FUT9: variants seen among roughly 807,000 people sequenced by gnomAD.
FUT9 encodes 4-galactosyl-N-acetylglucosaminide 3-alpha-L-fucosyltransferase 9.
FUT9 carries 15 observed loss-of-function variants against 29.7 expected under a neutral mutation model. The ratio of observed to expected loss-of-function variants is 0.51; its 90% CI spans 0.34 to 0.78. The LOEUF is 0.78. FUT9 is among the 30% of genes least tolerant of loss of function. FUT9 has a pLI of 0.01. For synonymous variants in FUT9, 169 were observed against 153.7 expected, an observed-to-expected ratio of 1.10 and a Z score of -0.74; for missense variants, 319 against 425.4, an observed-to-expected ratio of 0.75 and a Z score of 2.20.
intron 1 of FUT9, among the ~76,000 whole-genome samples, chr6:96,088,779 T>G (rs1041215214): frequency 2.0e-5 from 3 of 152,230 alleles, no homozygotes; most frequent in African/African-American, 7.2e-5. Context: ...AGTCTATATC[T>G]AAGTATTGCT....
At chr6:96,081,406 C>A (rs2127950901) in intron 1 of FUT9, among the ~76,000 whole-genome samples, 1 of 151,798 alleles carries the variant, frequency 6.6e-6, no homozygotes, top group South Asian at 2.1e-4. Flanking sequence ...TATTTTTCTG[C>A]AATTTACTCC....
intron 2 of FUT9, among the ~76,000 whole-genome samples, chr6:96,187,098 T>C (rs1773418952): frequency 6.6e-6 from 1 of 152,020 alleles, no homozygotes; most frequent in Non-Finnish European, 1.5e-5. Context: ...CAGCCAAGCC[T>C]AATGTTAGAA....
rs143184468 is a variant in FUT9, at chr6:96,087,492, G to T, written c.-97-26547G>T. On this transcript the variant is annotated intron_variant, in intron 1 of 2. Coordinates refer to ENST00000302103, the MANE Select transcript of FUT9 (RefSeq NM_006581.4). ...AGCAATTATCCTGCCTCAGCCTCCT[G>T]AGTAGCTAGGACTACAGGCGCGTGC... is the stretch of plus-strand genomic sequence containing the variant. 4.9e-3 allele frequency among the ~76,000 whole-genome samples: 739 copies of T among 150,776 alleles called. 5 individuals carry two copies. The highest frequency in any genetic ancestry group is 0.017 in the African/African-American group (688 of 41,066).
chr6:96,183,324 T>C (rs1773343783), intron 2 of FUT9, among the ~76,000 whole-genome samples: 1 of 152,088 alleles, frequency 6.6e-6, no homozygotes, highest in South Asian at 2.1e-4. Flanking sequence ...TGAATTCTTT[T>C]ATCAGTTTTA....
chr6:96,084,206 T>C (rs965903884), intron 1 of FUT9, among the ~76,000 whole-genome samples: 6 of 152,076 alleles, frequency 3.9e-5, no homozygotes, highest in South Asian at 2.1e-4. Flanking sequence ...GTCTAGAAGA[T>C]CATATCTCTT....
intron 1 of FUT9, among the ~76,000 whole-genome samples, chr6:96,018,395 T>C (rs1770016408): frequency 6.6e-6 from 1 of 152,120 alleles, no homozygotes; most frequent in Non-Finnish European, 1.5e-5. Context: ...GAATTATCTA[T>C]GAGAATCCAA....
intron 1 of FUT9, among the ~76,000 whole-genome samples, chr6:96,087,590 C>A (rs1363863405): frequency 6.6e-6 from 1 of 152,042 alleles, no homozygotes; most frequent in Non-Finnish European, 1.5e-5. Flanking sequence ...TGGTCTCGAT[C>A]TCTTGACCTC....
intron 2 of FUT9, among the ~76,000 whole-genome samples, chr6:96,178,978 C>T (rs12524828): frequency 1.3e-5 from 2 of 151,840 alleles, no homozygotes; most frequent in Non-Finnish European, 2.9e-5. Context: ...CAAAAAAAAA[C>T]ACCTTTTGTA....
intron 2 of FUT9, among the ~76,000 whole-genome samples, chr6:96,126,795 G>T (rs9404263): frequency 0.34 from 51,503 of 151,978 alleles, 9,106 homozygotes; most frequent in East Asian, 0.61. Flanking sequence ...TATCATTTCT[G>T]TATTCTTTAA....
At chr6:96,095,334 A>T (rs781059971) in intron 1 of FUT9, among the ~76,000 whole-genome samples, 1 of 152,026 alleles carries the variant, frequency 6.6e-6, no homozygotes, top group Non-Finnish European at 1.5e-5. Flanking sequence ...CAGTTCTCAG[A>T]TTCTCTTTCC....
chr6:96,075,626 C>A (rs1447489623), intron 1 of FUT9, among the ~76,000 whole-genome samples: 1 of 152,088 alleles, frequency 6.6e-6, no homozygotes, highest in East Asian at 1.9e-4. Context: ...GGACTTGGAT[C>A]TTCTTATAAT....
chr6:96,100,212 TTAAC>T (rs1332963051), intron 1 of FUT9, among the ~76,000 whole-genome samples: 1 of 148,790 alleles, frequency 6.7e-6, no homozygotes, highest in African/African-American at 2.5e-5. Context: ...TACTTGGAAT[TTAAC>T]ACACACACAC....
chr6:96,122,899 A>G (rs1303797707), intron 2 of FUT9, among the ~76,000 whole-genome samples: 1 of 151,778 alleles, frequency 6.6e-6, no homozygotes, highest in East Asian at 2.0e-4. Context: ...ACAAAAAAAT[A>G]GCTGGGCGTG....
chr6:96,025,998 G>A (rs1412909168), intron 1 of FUT9, among the ~76,000 whole-genome samples: 2 of 151,610 alleles, frequency 1.3e-5, no homozygotes, highest in Non-Finnish European at 3.0e-5. Flanking sequence ...CAAACAAAAA[G>A]GCCCTCAATT....
chr6:96,139,091 T>A (rs1427987665), intron 2 of FUT9, among the ~76,000 whole-genome samples: 1 of 152,094 alleles, frequency 6.6e-6, no homozygotes, highest in African/African-American at 2.4e-5. Flanking sequence ...CACCAGAGAC[T>A]GGGTAATTTA....
At chr6:96,095,207 C>T (rs932285108) in intron 1 of FUT9, among the ~76,000 whole-genome samples, 1 of 151,952 alleles carries the variant, frequency 6.6e-6, no homozygotes, top group Non-Finnish European at 1.5e-5. Flanking sequence ...GTGAATGATC[C>T]CTCACCTTTA....
At chr6:96,072,281 T>C (rs1771075903) in intron 1 of FUT9, among the ~76,000 whole-genome samples, 1 of 152,178 alleles carries the variant, frequency 6.6e-6, no homozygotes, top group African/African-American at 2.4e-5. Context: ...CTTATCTTAT[T>C]TCGTACCACC....
At chr6:96,026,747 G>T (rs1327893022) in intron 1 of FUT9, among the ~76,000 whole-genome samples, 1 of 151,582 alleles carries the variant, frequency 6.6e-6, no homozygotes, top group Admixed American at 6.6e-5. Context: ...ACTAGGCTTG[G>T]ACACATGCCT....
At chr6:96,023,849 T>C (rs1417469819) in intron 1 of FUT9, among the ~76,000 whole-genome samples, 1 of 151,852 alleles carries the variant, frequency 6.6e-6, no homozygotes, top group Non-Finnish European at 1.5e-5. Context: ...TTCTTTCCTC[T>C]TTTTCTTCTT....
Sources: allele counts gnomAD v4.1 joint callset (sites outside exome capture counted in the v4.1 genomes callset), GRCh38; gene constraint gnomAD v4.1.1; transcripts MANE v1.5; gene names NCBI Gene and HGNC (gene_info 2026-07-23, HGNC 2026-07-21).